Variants in NFATC3 observed in about 807,000 individuals in gnomAD.
NFATC3 encodes the protein nuclear factor of activated T cells 3.
NFATC3 carries 46 observed loss-of-function variants against 98.6 expected under a neutral mutation model. That is an observed-to-expected ratio of 0.47 (90% CI 0.37 to 0.60). The LOEUF (loss-of-function observed/expected upper bound fraction) is 0.60. Ranked by LOEUF, NFATC3 falls within the 20% of genes least tolerant of loss-of-function variation. The probability of loss-of-function intolerance (pLI) is 0.00; values close to 1 mark genes in which losing one functional copy is unlikely to be tolerated. For missense variants in NFATC3, 1,256 were observed against 1,295.5 expected (o/e 0.97, Z 0.47); for synonymous variants, 512 against 472.2 (o/e 1.08, Z -1.09).
chr16:68,187,045 A>G (rs1373573176), intron 8 of NFATC3, among the ~76,000 whole-genome samples: 2 of 152,164 alleles, frequency 1.3e-5, no homozygotes, highest in Non-Finnish European at 2.9e-5. Flanking sequence ...CATGCCTGCA[A>G]AGGGTGAGCA....
rs2151510268 is a variant in NFATC3 at position 68,126,473 on chromosome 16, T to G, written c.1264T>G (p.Trp422Gly). 1 of 1,614,006 alleles carries G rather than the reference T, an allele frequency of 6.2e-7. No individual in the cohort carries two copies. The highest frequency in any genetic ancestry group is 1.1e-5 in the South Asian group (1 of 91,072). ...FRTSSLPPLD[W>G]PLPAHFGQCE... ...CACATCTTCATTACCTCCACTAGAC[T>G]GGCCTTTACCAGCTCATTTTGGACA... Residue 422 changes from tryptophan (W) to glycine (G), a missense_variant, in exon 3 of 10, where the codon TGG becomes GGG. Transcript: ENST00000346183.
In NFATC3 at chr16:68,126,303, G is replaced by T. The variant is rs1273649854; in HGVS notation, c.1239-145G>T. 9.5e-6 allele frequency: 6 copies of T among 629,698 alleles called. No homozygotes were observed. The East Asian group carries it at 1.4e-4, about 15-fold the overall frequency. 39.0% of individuals were successfully genotyped at this position (629,698 alleles called of 1,614,324 possible). A position where few individuals can be genotyped will look rare whatever the true frequency, so the allele number is the denominator to read the frequency against. On this transcript the variant is annotated intron_variant, in intron 2 of 9. Transcript: ENST00000346183. Reference sequence around the variant, plus strand: ...TTAAGCACTCACCATAACCAGAATTGTAACTTACTAAATGAAGTTTTATTT... The same window carrying T: ...TTAAGCACTCACCATAACCAGAATTTTAACTTACTAAATGAAGTTTTATTT...
intron 1 of NFATC3, among the ~76,000 whole-genome samples, chr16:68,103,946 C>G (rs1039391714): frequency 1.3e-5 from 2 of 152,020 alleles, no homozygotes; most frequent in Admixed American, 6.6e-5. Context: ...ATTGCTGTGC[C>G]TTTGTAGTAA....
At position 68,091,470 on chromosome 16, in the gene NFATC3, G is replaced by GA. The variant is rs1453153708; in HGVS notation, c.103+5690dup. On this transcript the variant is annotated intron_variant, in intron 1 of 9. Coordinates refer to ENST00000346183, the MANE Select transcript of NFATC3 (RefSeq NM_173165.3). Reference sequence around the variant, plus strand: ...GGAATTGTAAGGACATTTTTGGTGAGAAAATGTAGTATTACTTTTTCTTCA... The same window carrying GA: ...GGAATTGTAAGGACATTTTTGGTGAGAAAAATGTAGTATTACTTTTTCTTCA... 2.6e-5 allele frequency among the ~76,000 whole-genome samples: 4 copies of GA among 152,152 alleles called. No individual in the cohort carries two copies. The East Asian group carries it at 7.7e-4, about 29-fold the overall frequency.
chr16:68,193,312 A>C (rs2040525468), intron 9 of NFATC3, among the ~76,000 whole-genome samples: 1 of 152,048 alleles, frequency 6.6e-6, no homozygotes, highest in African/African-American at 2.4e-5. Context: ...CAGTGTACTC[A>C]GGGGATTGAT....
intron 4 of NFATC3, among the ~76,000 whole-genome samples, chr16:68,164,221 G>A (rs949970408): frequency 1.3e-5 from 2 of 152,220 alleles, no homozygotes; most frequent in African/African-American, 2.4e-5. Flanking sequence ...CCAACACAGC[G>A]AAACCCCGTC....
chr16:68,112,645 C>CTTTT lies in NFATC3; in HGVS notation c.104-9342_104-9341insTTTT, dbSNP rs1567503218. Among the ~76,000 whole-genome samples the CTTTT allele has an allele frequency of 3.9e-4, 46 of 119,226 alleles. 2 individuals are homozygous for CTTTT. Among genetic ancestry groups the CTTTT allele is most frequent in the African/African-American group, 1.0e-3 (31 of 29,778 alleles). 78.2% of individuals were successfully genotyped at this position (119,226 alleles called of 152,430 possible). ...TCATTTCTTTTCATTTTTTCTTTTTCGTTTTTTTTTTTTTTTTTTTTTTTG... is the reference window on the plus strand; with the variant it reads ...TCATTTCTTTTCATTTTTTCTTTTTCTTTTGTTTTTTTTTTTTTTTTTTTTTTTG... On this transcript the variant is annotated intron_variant, in intron 1 of 9. Transcript: ENST00000346183.
chr16:68,165,511 C>T (rs2039150973), intron 4 of NFATC3, among the ~76,000 whole-genome samples: 1 of 151,408 alleles, frequency 6.6e-6, no homozygotes, highest in Admixed American at 6.6e-5. Flanking sequence ...GTTTTCCTGC[C>T]TCAGCCTCCC....
chr16:68,185,169 G>T (rs1277012214), intron 8 of NFATC3, among the ~76,000 whole-genome samples: 2 of 152,044 alleles, frequency 1.3e-5, no homozygotes, highest in Non-Finnish European at 2.9e-5. Flanking sequence ...TGGAGACGGG[G>T]TTTCACCACG....
intron 7 of NFATC3, among the ~76,000 whole-genome samples, chr16:68,182,614 G>A (rs971798562): frequency 3.6e-5 from 5 of 138,394 alleles, no homozygotes; most frequent in African/African-American, 8.1e-5. Flanking sequence ...TCTGCCTCCC[G>A]GGTTCAAGCG....
intron 6 of NFATC3, among the ~76,000 whole-genome samples, chr16:68,179,454 C>G (rs532764454): frequency 6.6e-6 from 1 of 152,292 alleles, no homozygotes; most frequent in African/African-American, 2.4e-5. Context: ...TGTAGTATCT[C>G]TTGTGCAGCA....
intron 1 of NFATC3, among the ~76,000 whole-genome samples, chr16:68,121,471 C>A (rs1367868737): frequency 6.6e-6 from 1 of 151,046 alleles, no homozygotes; most frequent in African/African-American, 2.4e-5. Flanking sequence ...AGCTTGAGCC[C>A]AGCCTTGGCA....
rs2042050363 is a variant in NFATC3, at chr16:68,226,919, A to AAAAAAAAAAAAG, written c.*452_*453insAAAAAAAGAAAA. 1 of 118,134 alleles carries AAAAAAAAAAAAG rather than the reference A, an allele frequency of 8.5e-6. No individual in the cohort carries two copies. Among genetic ancestry groups the AAAAAAAAAAAAG allele is most frequent in the Non-Finnish European group, 2.0e-5 (1 of 49,454 alleles). 7.3% of individuals were successfully genotyped at this position (118,134 alleles called of 1,614,324 possible). On this transcript the variant is annotated 3_prime_UTR_variant, in exon 10 of 10. Transcript: ENST00000346183. ...AAGCAAAAAAAAAAAAAAAAAAAAAAAAAAGAAAAAAAAAGAAAAGAAAAA... is the reference window on the plus strand; with the variant it reads ...AAGCAAAAAAAAAAAAAAAAAAAAAAAAAAAAAAAAAGAAAAGAAAAAAAAAGAAAAGAAAAA...
chr16:68,127,939 C>T (rs2036924319), intron 3 of NFATC3, among the ~76,000 whole-genome samples: 1 of 152,042 alleles, frequency 6.6e-6, no homozygotes, highest in African/African-American at 2.4e-5. Flanking sequence ...ATTATTTAGC[C>T]TTAGTTCTAT....
At chr16:68,214,911 C>T (rs1186842062) in intron 9 of NFATC3, among the ~76,000 whole-genome samples, 1 of 152,118 alleles carries the variant, frequency 6.6e-6, no homozygotes, top group African/African-American at 2.4e-5. Context: ...TCCTCTGGGG[C>T]TCTACTTGGA....
intron 1 of NFATC3, among the ~76,000 whole-genome samples, chr16:68,108,414 C>G (rs2035778840): frequency 6.6e-6 from 1 of 152,090 alleles, no homozygotes. Context: ...TCTGAGTTCT[C>G]TGTTCTGTTT....
At chr16:68,212,752 CCTG>C (rs1016785116) in intron 9 of NFATC3, 2 of 151,452 alleles carry the variant, frequency 1.3e-5, no homozygotes, top group Admixed American at 1.3e-4. Flanking sequence ...GGGAATGCAG[CCTG>C]CTATCTTCTA....
At chr16:68,157,471 C>T (rs1013957456) in intron 3 of NFATC3, among the ~76,000 whole-genome samples, 2 of 152,048 alleles carry the variant, frequency 1.3e-5, no homozygotes, top group Non-Finnish European at 2.9e-5. Flanking sequence ...AAAGTGTCTC[C>T]GATTTAACAG....
chr16:68,104,653 G>GTTTTTTTTTTTT (rs778016298), intron 1 of NFATC3, among the ~76,000 whole-genome samples: 15 of 126,688 alleles, frequency 1.2e-4, no homozygotes, highest in Admixed American at 2.4e-4. Context: ...TTCACAAATG[G>GTTTTTTTTTTTT]TTTTTTTTTT....
Sources: allele counts gnomAD v4.1 joint callset (sites outside exome capture counted in the v4.1 genomes callset), GRCh38; gene constraint gnomAD v4.1.1; transcripts MANE v1.5; gene names NCBI Gene and HGNC (gene_info 2026-07-23, HGNC 2026-07-21).